The following PLPPR5 variants were observed in gnomAD, a reference collection of about 807,000 sequenced individuals.
The protein encoded by PLPPR5 is phospholipid phosphatase-related protein type 5.
A neutral mutation model predicts 33.9 loss-of-function variants in PLPPR5; 16 were observed. The observed-to-expected ratio is 0.47, with a 90% CI of 0.32 to 0.72. PLPPR5 has a LOEUF of 0.72. PLPPR5 is among the 30% of genes least tolerant of loss of function. PLPPR5 has a pLI of 0.03. For missense variants in PLPPR5, 301 were observed against 406.7 expected, an observed-to-expected ratio of 0.74 and a Z score of 2.23; for synonymous variants, 163 against 150.3, an observed-to-expected ratio of 1.08 and a Z score of -0.62.
At chr1:98,931,915 G>C (rs1303395906) in intron 3 of PLPPR5, among the ~76,000 whole-genome samples, 2 of 152,190 alleles carry the variant, frequency 1.3e-5, no homozygotes, top group African/African-American at 4.8e-5. Flanking sequence ...TCTTGAACTA[G>C]AGTCATAGCT....
At chr1:98,983,946 CTTTTT>C (rs113661489) in intron 1 of PLPPR5, among the ~76,000 whole-genome samples, 1 of 141,852 alleles carries the variant, frequency 7.0e-6, no homozygotes, top group African/African-American at 2.6e-5. Context: ...TTGTTTTTTT[CTTTTT>C]TTTTTTTTGA....
intron 1 of PLPPR5, among the ~76,000 whole-genome samples, chr1:98,963,032 G>A (rs1161579383): frequency 2.0e-5 from 3 of 152,124 alleles, no homozygotes; most frequent in Admixed American, 2.0e-4. Context: ...TTACTGCTGA[G>A]CCTAAACCTA....
At chr1:98,927,913 C>T (rs1465198013) in intron 3 of PLPPR5, among the ~76,000 whole-genome samples, 1 of 151,616 alleles carries the variant, frequency 6.6e-6, no homozygotes, top group African/African-American at 2.4e-5. Flanking sequence ...AATAATAAGA[C>T]TTTCATTATA....
intron 1 of PLPPR5, among the ~76,000 whole-genome samples, chr1:98,983,549 T>G (rs1255401927): frequency 1.3e-5 from 2 of 150,642 alleles, no homozygotes; most frequent in Non-Finnish European, 3.0e-5. Context: ...AATAAACATA[T>G]GTGTGCATGT....
Position 98,964,993 on chromosome 1 carries a change from G to T in PLPPR5, c.238-8252C>A, listed in dbSNP as rs7513287. ...TTTTGATTTTTTTTTTTTTTTTTTT[G>T]GTAGAGATGGGATTTCATCATGTTG... On this transcript the variant is annotated intron_variant, in intron 1 of 5. Transcript: ENST00000263177. 9.9e-3 allele frequency among the ~76,000 whole-genome samples: 766 copies of T among 77,564 alleles called. 5 individuals are homozygous for T. The highest frequency in any genetic ancestry group is 0.033 in the African/African-American group (631 of 18,978). 50.9% of individuals were successfully genotyped at this position (77,564 alleles called of 152,430 possible).
chr1:98,969,720 C>T (rs1651589663), intron 1 of PLPPR5, among the ~76,000 whole-genome samples: 1 of 145,710 alleles, frequency 6.9e-6, no homozygotes, highest in African/African-American at 2.6e-5. Context: ...AATTCTACCT[C>T]TTTTTCTCCT....
At chr1:98,989,862 T>C (rs936240581) in intron 1 of PLPPR5, among the ~76,000 whole-genome samples, 3 of 152,164 alleles carry the variant, frequency 2.0e-5, no homozygotes, top group Non-Finnish European at 4.4e-5. Flanking sequence ...CAGACTCCTC[T>C]GCTCAGCTCA....
intron 5 of PLPPR5, among the ~76,000 whole-genome samples, chr1:98,909,399 A>G (rs1649037374): frequency 6.6e-6 from 1 of 151,454 alleles, no homozygotes; most frequent in Admixed American, 6.6e-5. Flanking sequence ...GGTATTTCGC[A>G]TAATTGATTT....
At chr1:98,957,267 C>T (rs1651048988) in intron 1 of PLPPR5, among the ~76,000 whole-genome samples, 1 of 151,604 alleles carries the variant, frequency 6.6e-6, no homozygotes, top group South Asian at 2.1e-4. Context: ...AGCGCACCAG[C>T]ATGGCACATG....
chr1:99,002,954 G>A (rs1321007981), intron 1 of PLPPR5, among the ~76,000 whole-genome samples: 2 of 146,710 alleles, frequency 1.4e-5, no homozygotes, highest in Non-Finnish European at 3.0e-5. Flanking sequence ...CCCAAAAATC[G>A]ACCTTTTTTT....
At chr1:98,951,382 A>T (rs1038152841) in intron 3 of PLPPR5, among the ~76,000 whole-genome samples, 3 of 152,220 alleles carry the variant, frequency 2.0e-5, no homozygotes, top group African/African-American at 7.2e-5. Context: ...TAAAGAAAAC[A>T]GGGGAAATTA....
chr1:98,981,698 A>G (rs1348453512), intron 1 of PLPPR5, among the ~76,000 whole-genome samples: 4 of 152,082 alleles, frequency 2.6e-5, no homozygotes, highest in African/African-American at 9.7e-5. Context: ...GAAGGAATGA[A>G]TTACTGAATA....
chr1:98,995,119 G>C (rs1320780077), intron 1 of PLPPR5, among the ~76,000 whole-genome samples: 5 of 152,048 alleles, frequency 3.3e-5, no homozygotes, highest in Non-Finnish European at 4.4e-5. Flanking sequence ...ACTTAAAACA[G>C]AATTGTCATT....
At chr1:98,907,360 C>A (rs558673968) in intron 5 of PLPPR5, among the ~76,000 whole-genome samples, 1 of 152,062 alleles carries the variant, frequency 6.6e-6, no homozygotes, top group East Asian at 1.9e-4. Flanking sequence ...TGCCACCATG[C>A]CCAGCTGATT....
chr1:98,945,596 G>A (rs79278529), intron 3 of PLPPR5, among the ~76,000 whole-genome samples: 1,968 of 152,292 alleles, frequency 0.013, 43 homozygotes, highest in African/African-American at 0.045. Context: ...CCCTGGACAA[G>A]TCAACTAGCT....
Position 98,956,638 on chromosome 1 carries a change from G to A in PLPPR5, c.341C>T (p.Pro114Leu), listed in dbSNP as rs202196370. ...AAATCGGACAGTTCGGCGCACCAGC[G>A]GGTTTATATAGCAACAGTCTCCAGT... Reference protein sequence around the residue: ...ILTGDCCYINPLVRRTVRFLG... With the variant: ...ILTGDCCYINLLVRRTVRFLG... Residue 114 changes from proline (P) to leucine (L), a missense_variant, in exon 2 of 6, where the codon CCG becomes CTG. By Grantham distance (98) the Pro-to-Leu change is moderately conservative. Transcript: ENST00000263177. The A allele has an allele frequency of 1.2e-4, 185 of 1,591,430 alleles. No individual in the cohort carries two copies. Among genetic ancestry groups the A allele is most frequent in the South Asian group, 1.3e-4 (11 of 86,068 alleles).
At chr1:98,938,723 T>A (rs1284558564) in intron 3 of PLPPR5, among the ~76,000 whole-genome samples, 1 of 151,956 alleles carries the variant, frequency 6.6e-6, no homozygotes, top group Non-Finnish European at 1.5e-5. Context: ...GTGCTTGAAG[T>A]CTAAATTCCC....
intron 1 of PLPPR5, among the ~76,000 whole-genome samples, chr1:98,958,259 T>C (rs1372585948): frequency 6.6e-6 from 1 of 152,242 alleles, no homozygotes; most frequent in Non-Finnish European, 1.5e-5. Flanking sequence ...GATTACAAGA[T>C]ATTCAAAATA....
intron 3 of PLPPR5, among the ~76,000 whole-genome samples, chr1:98,930,850 A>G (rs539749570): frequency 6.6e-6 from 1 of 152,194 alleles, no homozygotes; most frequent in East Asian, 1.9e-4. Context: ...TCATTCAACC[A>G]AAAGCTTCCT....
Sources: gnomAD v4.1 joint callset for allele counts (sites outside exome capture counted in the v4.1 genomes callset) on GRCh38, gnomAD v4.1.1 for gene constraint, MANE v1.5 for transcripts, NCBI Gene and HGNC (gene_info 2026-07-23, HGNC 2026-07-21) for gene names.